WWOX: variants seen among roughly 807,000 people sequenced by gnomAD.
The protein encoded by WWOX is WW domain-containing oxidoreductase.
In WWOX, 69 loss-of-function variants were observed where a neutral mutation model predicts 46.2. The ratio of observed to expected loss-of-function variants is 1.49; its 90% CI spans 1.23 to 1.82. WWOX has a LOEUF of 1.82. Among genes scored for constraint, WWOX ranks in the 40% most tolerant of loss-of-function variants. The pLI is 0.00. For missense variants in WWOX, 919 were observed against 542.6 expected, an observed-to-expected ratio of 1.69 and a Z score of -6.89; for synonymous variants, 359 against 202.6, an observed-to-expected ratio of 1.77 and a Z score of -6.56.
intron 5 of WWOX, among the ~76,000 whole-genome samples, chr16:78,227,549 C>G (rs986052332): frequency 6.6e-5 from 10 of 152,124 alleles, no homozygotes; most frequent in Admixed American, 1.3e-4. Flanking sequence ...CAGTATCCAC[C>G]CTTTGAAGGA....
At chr16:78,217,855 G>T (rs1231792237) in intron 5 of WWOX, among the ~76,000 whole-genome samples, 3 of 152,144 alleles carry the variant, frequency 2.0e-5, no homozygotes, top group Admixed American at 6.5e-5. Context: ...ATATAAGCTG[G>T]AAGTGGAGTG....
At chr16:79,045,168 A>G (rs1381622286) in intron 8 of WWOX, among the ~76,000 whole-genome samples, 1 of 152,196 alleles carries the variant, frequency 6.6e-6, no homozygotes, top group African/African-American at 2.4e-5. Context: ...CAAGTGTTAA[A>G]TTAAATCTTT....
At chr16:78,577,058 C>G (rs1272474519) in intron 8 of WWOX, among the ~76,000 whole-genome samples, 2 of 152,184 alleles carry the variant, frequency 1.3e-5, no homozygotes, top group African/African-American at 4.8e-5. Context: ...CCATCTCATT[C>G]TATAGCTCAG....
chr16:78,791,781 G>A (rs192293956), intron 8 of WWOX, among the ~76,000 whole-genome samples: 61 of 152,218 alleles, frequency 4.0e-4, no homozygotes, highest in Admixed American at 2.2e-3. Flanking sequence ...TTGGAAGGCT[G>A]AGGCGGGAGA....
chr16:78,567,620 C>G (rs879560419), intron 8 of WWOX, among the ~76,000 whole-genome samples: 1 of 151,586 alleles, frequency 6.6e-6, no homozygotes, highest in Non-Finnish European at 1.5e-5. Flanking sequence ...CCAAGCTCGC[C>G]GCAGCCTGCT....
chr16:78,197,806 C>T (rs932629186), intron 5 of WWOX, among the ~76,000 whole-genome samples: 1 of 152,150 alleles, frequency 6.6e-6, no homozygotes. Context: ...AGGAGGTGAG[C>T]GACTTGCCCG....
At chr16:79,080,283 A>C (rs1028087725) in intron 8 of WWOX, among the ~76,000 whole-genome samples, 3 of 152,134 alleles carry the variant, frequency 2.0e-5, no homozygotes, top group African/African-American at 7.2e-5. Context: ...TCTGTCTCTC[A>C]TCTCTGCTTT....
At chr16:78,736,295 T>C (rs1461252248) in intron 8 of WWOX, among the ~76,000 whole-genome samples, 4 of 152,138 alleles carry the variant, frequency 2.6e-5, no homozygotes, top group Non-Finnish European at 4.4e-5. Context: ...GCTATCCTCA[T>C]GGGGACCTGT....
chr16:78,392,764 G>C (rs866024777), intron 6 of WWOX, among the ~76,000 whole-genome samples: 1 of 152,050 alleles, frequency 6.6e-6, no homozygotes, highest in Admixed American at 6.5e-5. Flanking sequence ...TGGTGTAATC[G>C]TCCAAGAGTA....
At chr16:79,184,783 T>C (rs2050981127) in intron 8 of WWOX, among the ~76,000 whole-genome samples, 2 of 152,202 alleles carry the variant, frequency 1.3e-5, no homozygotes, top group South Asian at 4.1e-4. Context: ...GCAATTTGGG[T>C]TGTTAATTCC....
rs1424132257 is a variant in WWOX, at chr16:78,915,369, G to A, written c.1057-296239G>A. Among the ~76,000 whole-genome samples, 3 of 152,186 alleles carry A rather than the reference G, an allele frequency of 2.0e-5. No individual in the cohort carries two copies. The East Asian group carries it at 5.8e-4, about 29-fold the overall frequency. On this transcript the variant is annotated intron_variant, in intron 8 of 8. Coordinates refer to ENST00000566780, the MANE Select transcript of WWOX (RefSeq NM_016373.4). The stretch of plus-strand genomic sequence containing the variant: ...GATTCAAAAGACCCCTTTCACGGGA[G>A]GCTGGGAGATTTTTCCATCTAAATA...
intron 8 of WWOX, among the ~76,000 whole-genome samples, chr16:79,197,641 G>C (rs565223175): frequency 6.6e-6 from 1 of 152,272 alleles, no homozygotes; most frequent in African/African-American, 2.4e-5. Flanking sequence ...GTGATAATCT[G>C]GGCTTTTTTG....
At chr16:78,189,955 C>G (rs1040501665) in intron 5 of WWOX, among the ~76,000 whole-genome samples, 5 of 152,050 alleles carry the variant, frequency 3.3e-5, no homozygotes, top group African/African-American at 1.2e-4. Flanking sequence ...ACGCCCGGCT[C>G]AAATCCTTCT....
chr16:79,111,610 A>C (rs960724166), intron 8 of WWOX, among the ~76,000 whole-genome samples: 3 of 152,222 alleles, frequency 2.0e-5, no homozygotes, highest in Admixed American at 6.5e-5. Context: ...AAAATAGAAA[A>C]GAGCTGCAAT....
In WWOX at chr16:78,660,942, T is replaced by C. The variant is rs142799897; in HGVS notation, c.1056+228190T>C. Reference sequence around the variant, plus strand: ...CCTCCTAATACTGCATGACGGATAATATGCCATCACATGGTGTCATTTAAT... The same window carrying C: ...CCTCCTAATACTGCATGACGGATAACATGCCATCACATGGTGTCATTTAAT... On this transcript the variant is annotated intron_variant, in intron 8 of 8. Coordinates refer to ENST00000566780, the MANE Select transcript of WWOX (RefSeq NM_016373.4). Among the ~76,000 whole-genome samples, 1,340 of 152,318 alleles carry C rather than the reference T, an allele frequency of 8.8e-3. 10 individuals carry two copies. The highest frequency in any genetic ancestry group is 0.012 in the Non-Finnish European group (814 of 68,034).
chr16:78,852,667 T>C (rs1297586065), intron 8 of WWOX, among the ~76,000 whole-genome samples: 1 of 152,218 alleles, frequency 6.6e-6, no homozygotes, highest in Non-Finnish European at 1.5e-5. Flanking sequence ...ATTTTTAAGA[T>C]GCTTCATTTT....
intron 8 of WWOX, among the ~76,000 whole-genome samples, chr16:79,025,172 C>G (rs913830201): frequency 6.6e-6 from 1 of 152,104 alleles, no homozygotes; most frequent in African/African-American, 2.4e-5. Flanking sequence ...TGCGGTTCCC[C>G]TGTGTCGGAC....
rs116824543 is a variant in WWOX, at chr16:78,196,298, T to C, written c.516+32009T>C. On this transcript the variant is annotated intron_variant, in intron 5 of 8. Coordinates refer to ENST00000566780, the MANE Select transcript of WWOX (RefSeq NM_016373.4). ...TAAATACACTACTAAGTGTTTATAG[T>C]ACATTTCATATTTTACATGATTTCC... 7.5e-3 allele frequency among the ~76,000 whole-genome samples: 1,140 copies of C among 152,322 alleles called. 16 individuals are homozygous for C. The highest frequency in any genetic ancestry group is 0.026 in the African/African-American group (1,089 of 41,576).
At chr16:78,626,215 C>G (rs1314128889) in intron 8 of WWOX, among the ~76,000 whole-genome samples, 1 of 151,986 alleles carries the variant, frequency 6.6e-6, no homozygotes, top group Non-Finnish European at 1.5e-5. Flanking sequence ...ACTGCAACCT[C>G]CGCCTCGCAG....
Sources: gnomAD v4.1 joint callset for allele counts (sites outside exome capture counted in the v4.1 genomes callset) on GRCh38, gnomAD v4.1.1 for gene constraint, MANE v1.5 for transcripts, NCBI Gene and HGNC (gene_info 2026-07-23, HGNC 2026-07-21) for gene names.